Variants in NPIPB15 observed in about 807,000 individuals in gnomAD.
The protein encoded by NPIPB15 is nuclear pore complex interacting protein family member B15.
Under a neutral mutation model 35.9 loss-of-function variants are expected in NPIPB15, and 5 were observed. That is an observed-to-expected ratio of 0.14 (90% CI 0.07 to 0.29). The LOEUF is 0.29. Ranked by LOEUF, NPIPB15 falls within the 10% of genes least tolerant of loss-of-function variation. The pLI is 1.00. For synonymous variants in NPIPB15, 43 were observed against 182.0 expected (o/e 0.24, Z 6.15); for missense variants, 100 against 506.1 (o/e 0.20, Z 7.70).
rs148552180 is a variant in NPIPB15, at chr16:74,380,911, C to T, written c.67-605C>T. Among the ~76,000 whole-genome samples the T allele has an allele frequency of 1.8e-4, 27 of 152,348 alleles. No individual in the cohort carries two copies. The East Asian group carries it at 2.9e-3, about 16-fold the overall frequency. On this transcript the variant is annotated intron_variant, in intron 2 of 7. Transcript: ENST00000692376. Reference sequence around the variant, plus strand: ...CTGTAATCCCAGTACTTTCAGAGGCCGAGGCAGGCAGATCGCCTGCCAGGA... The same window carrying T: ...CTGTAATCCCAGTACTTTCAGAGGCTGAGGCAGGCAGATCGCCTGCCAGGA...
chr16:74,381,036 G>A (rs1439497606), intron 2 of NPIPB15, among the ~76,000 whole-genome samples: 5 of 146,418 alleles, frequency 3.4e-5, no homozygotes, highest in Non-Finnish European at 7.5e-5. Context: ...TCAGCTACTC[G>A]GGAGGCTGAG....
chr16:74,381,948 G>A (rs2012019378), intron 3 of NPIPB15, among the ~76,000 whole-genome samples: 1 of 124,650 alleles, frequency 8.0e-6, no homozygotes, highest in African/African-American at 3.2e-5. Flanking sequence ...TAGCCTTTGT[G>A]CTATTTATCA....
chr16:74,391,205 C>G (rs1183644875), intron 7 of NPIPB15, 186 bp from the exon 8 acceptor site: 1 of 985,330 alleles, frequency 1.0e-6, no homozygotes, highest in Non-Finnish European at 1.2e-6. Flanking sequence ...TTCTTTACTC[C>G]CCAGCTGTCG....
rs2012565554 is a variant in NPIPB15, at chr16:74,391,669, ACC to A, written c.923_924del (p.Pro308LeufsTer9). On this transcript the variant is annotated frameshift_variant, in exon 8 of 8. Coordinates refer to ENST00000692376, the MANE Select transcript of NPIPB15 (RefSeq NM_001306094.2). LOFTEE classifies it high-confidence loss of function. Reference protein sequence around the residue: ...LKEYLLVPLPPSPLPPSVDDN... With the variant: ...LKEYLLVPLPXSPLPPSVDDN... The stretch of plus-strand genomic sequence containing the variant: ...AGGAGTATCTCCTGGTCCCTCTTCC[ACC>A]CTCTCCTCTTCCACCCTCAGTGGAT... 9.5e-6 allele frequency: 15 copies of A among 1,577,628 alleles called. No homozygotes were observed. In the East Asian group the frequency reaches 1.6e-4, roughly 17 times the overall value.
At position 74,388,406 on chromosome 16, in the gene NPIPB15, C is replaced by A. The variant is rs1037558080; in HGVS notation, c.546-1419C>A. The stretch of plus-strand genomic sequence containing the variant: ...AAACACAAGACTGACCCCAGACACA[C>A]ACATAGTGCACCTCATAGAAGCTTT... On this transcript the variant is annotated intron_variant, in intron 5 of 7. Coordinates refer to ENST00000692376, the MANE Select transcript of NPIPB15 (RefSeq NM_001306094.2). 15 of 950,362 alleles carry A rather than the reference C, an allele frequency of 1.6e-5. 1 individual carries two copies. The highest frequency in any genetic ancestry group is 1.9e-5 in the Non-Finnish European group (15 of 804,622). 58.9% of individuals were successfully genotyped at this position (950,362 alleles called of 1,614,324 possible).
At chr16:74,386,284 C>CT (rs1179744903) in intron 5 of NPIPB15, among the ~76,000 whole-genome samples, 27,570 of 102,054 alleles carry the variant, frequency 0.27, 478 homozygotes, top group Non-Finnish European at 0.31. Flanking sequence ...CACACCCAGC[C>CT]TTTTTTTTTT....
At chr16:74,389,411 C>T (rs2012434281) in intron 5 of NPIPB15, among the ~76,000 whole-genome samples, 1 of 150,086 alleles carries the variant, frequency 6.7e-6, no homozygotes, top group African/African-American at 2.5e-5. Context: ...CTCACTGTGT[C>T]ACCCAGGCTG....
At chr16:74,380,780 C>G (rs377504230) in intron 2 of NPIPB15, among the ~76,000 whole-genome samples, 1 of 149,406 alleles carries the variant, frequency 6.7e-6, no homozygotes, top group African/African-American at 2.4e-5. Context: ...GCCGAGAGCA[C>G]GCCACTGCAC....
intron 2 of NPIPB15, among the ~76,000 whole-genome samples, chr16:74,381,148 CAAAAA>C (rs1166274271): frequency 1.3e-5 from 1 of 74,270 alleles, no homozygotes; most frequent in Non-Finnish European, 2.6e-5. Flanking sequence ...ACTCTGTCTC[CAAAAA>C]AAAAAAAAAA....
chr16:74,384,841 C>T (rs1262975390), intron 3 of NPIPB15, among the ~76,000 whole-genome samples: 2 of 151,836 alleles, frequency 1.3e-5, no homozygotes, highest in African/African-American at 4.8e-5. Flanking sequence ...ACCACCATGC[C>T]TGGCTAATTT....
rs1567412879 is a variant in NPIPB15, at chr16:74,381,746, G to T, written c.249+48G>T. The T allele has an allele frequency of 4.0e-6, 6 of 1,516,824 alleles. 1 individual carries two copies. Among genetic ancestry groups the T allele is most frequent in the Non-Finnish European group, 5.3e-6 (6 of 1,130,806 alleles). 94.0% of individuals were successfully genotyped at this position (1,516,824 alleles called of 1,614,324 possible). A position where few individuals can be genotyped will look rare whatever the true frequency, so the allele number is the denominator to read the frequency against. On this transcript the variant is annotated intron_variant, in intron 3 of 7. Coordinates refer to ENST00000692376, the MANE Select transcript of NPIPB15 (RefSeq NM_001306094.2). ...GAGGTATACTTGTAATCACAAATAA[G>T]AATAAATTATATAAAACAATTCACG...
At chr16:74,381,466 T>C (rs775205816) in intron 2 of NPIPB15, 50 bp from the exon 3 acceptor site, 4 of 1,560,582 alleles carry the variant, frequency 2.6e-6, no homozygotes, top group Non-Finnish European at 3.5e-6. Flanking sequence ...CTGAGTGAAA[T>C]ATTGTCGGTG....
chr16:74,385,954 AGAG>A (rs2012257577), intron 5 of NPIPB15, among the ~76,000 whole-genome samples: 1 of 126,416 alleles, frequency 7.9e-6, no homozygotes, highest in Non-Finnish European at 1.6e-5. Context: ...TTTCGGGGGA[AGAG>A]GAGTTGCTAG....
Position 74,376,313 on chromosome 16 carries a change from G to C in NPIPB15, c.-1056G>C, listed in dbSNP as rs1465069847. Among the ~76,000 whole-genome samples the C allele has an allele frequency of 1.3e-5, 2 of 151,434 alleles. No individual in the cohort carries two copies. The highest frequency in any genetic ancestry group is 2.4e-5 in the African/African-American group (1 of 41,214). Reference sequence around the variant, plus strand: ...AGTGGTTTTCAGCTGCCAGAGGCCTGAGTGAGTTTGGGCACACTCTGTGTG... The same window carrying C: ...AGTGGTTTTCAGCTGCCAGAGGCCTCAGTGAGTTTGGGCACACTCTGTGTG... On this transcript the variant is annotated 5_prime_UTR_variant, in exon 1 of 8. Coordinates refer to ENST00000692376, the MANE Select transcript of NPIPB15 (RefSeq NM_001306094.2).
At chr16:74,379,123 C>T (rs1277308377) in intron 2 of NPIPB15, among the ~76,000 whole-genome samples, 1 of 152,258 alleles carries the variant, frequency 6.6e-6, no homozygotes, top group Non-Finnish European at 1.5e-5. Flanking sequence ...TTATGTCACC[C>T]CAGAAAGTGA....
chr16:74,379,638 G>A (rs1182696105), intron 2 of NPIPB15, among the ~76,000 whole-genome samples: 3 of 147,822 alleles, frequency 2.0e-5, no homozygotes, highest in African/African-American at 7.6e-5. Flanking sequence ...CACCCAGGCT[G>A]AAGTGCAGTG....
intron 5 of NPIPB15, among the ~76,000 whole-genome samples, chr16:74,386,296 T>TC (rs953470994): frequency 1.4e-5 from 2 of 145,088 alleles, no homozygotes; most frequent in African/African-American, 5.1e-5. Flanking sequence ...TTTTTTTTTT[T>TC]TTTTTTTTAA....
rs1597148880 is a variant in NPIPB15 at position 74,376,685 on chromosome 16, A to C, written c.-684A>C. 1.3e-5 allele frequency among the ~76,000 whole-genome samples: 2 copies of C among 152,292 alleles called. No individual in the cohort carries two copies. Among genetic ancestry groups the C allele is most frequent in the African/African-American group, 4.8e-5 (2 of 41,584 alleles). On this transcript the variant is annotated 5_prime_UTR_variant, in exon 1 of 8. Coordinates refer to ENST00000692376, the MANE Select transcript of NPIPB15 (RefSeq NM_001306094.2). Reference sequence around the variant, plus strand: ...GATAAGGACATCATCACTCGGTTTCAGATGTTAAAATGTCTAGGTGGGTTA... The same window carrying C: ...GATAAGGACATCATCACTCGGTTTCCGATGTTAAAATGTCTAGGTGGGTTA...
intron 2 of NPIPB15, among the ~76,000 whole-genome samples, chr16:74,379,042 C>A (rs1269925021): frequency 6.6e-6 from 1 of 152,212 alleles, no homozygotes; most frequent in Non-Finnish European, 1.5e-5. Context: ...TCAGGTGATC[C>A]GCCCGCCTTG....
Sources: gnomAD v4.1 joint callset for allele counts (sites outside exome capture counted in the v4.1 genomes callset) on GRCh38, gnomAD v4.1.1 for gene constraint, MANE v1.5 for transcripts, NCBI Gene and HGNC (gene_info 2026-07-23, HGNC 2026-07-21) for gene names.